Variants in ZNF292 observed in about 807,000 individuals in gnomAD.
ZNF292 encodes zinc finger protein 292.
In ZNF292, 26 loss-of-function variants were observed where a neutral mutation model predicts 217.9. The ratio of observed to expected loss-of-function variants is 0.12; its 90% CI spans 0.09 to 0.17. The LOEUF (loss-of-function observed/expected upper bound fraction) is 0.17. Ranked by LOEUF, ZNF292 falls within the 10% of genes least tolerant of loss-of-function variation. The pLI, the probability that ZNF292 is intolerant of heterozygous loss-of-function variation, is 1.00. For synonymous variants in ZNF292, 1,257 were observed against 1,124.1 expected, an observed-to-expected ratio of 1.12 and a Z score of -2.37; for missense variants, 2,904 against 3,175.2, an observed-to-expected ratio of 0.91 and a Z score of 2.05.
At chr6:87,245,733 C>T (rs1310346269) in intron 7 of ZNF292, 89 bp downstream of exon 7, 1 of 879,986 alleles carries the variant, frequency 1.1e-6, no homozygotes, top group Non-Finnish European at 1.6e-6. Context: ...GCTCCCTTTT[C>T]AGTGATTTTT....
At chr6:87,178,953 G>T (rs536761550) in intron 1 of ZNF292, among the ~76,000 whole-genome samples, 38 of 152,120 alleles carry the variant, frequency 2.5e-4, no homozygotes, top group African/African-American at 8.9e-4. Context: ...GCTAATTAGG[G>T]TTCTTTATTC....
In ZNF292 at chr6:87,259,706, G is replaced by C; in HGVS notation, c.6077G>C (p.Arg2026Thr). Residue 2026 changes from arginine to threonine, a missense_variant, in exon 8 of 8, where the codon AGA becomes ACA. Physicochemically the swap from Arg to Thr is moderately conservative, Grantham distance 71 (BLOSUM62 -1). This residue lies in a region of ZNF292 where 261 missense variants were observed against 272.8 expected (regional missense o/e 0.96). Transcript: ENST00000369577. Reference protein sequence around the residue: ...KKESQPALELRAETQNTHSNV... With the variant: ...KKESQPALELTAETQNTHSNV... ...GAATCTCAGCCTGCTTTAGAATTGA[G>C]AGCAGAGACCCAAAATACCCACAGT... is the stretch of plus-strand genomic sequence containing the variant. 1 of 1,601,394 alleles carries C rather than the reference G, an allele frequency of 6.2e-7. No individual in the cohort carries two copies. Among genetic ancestry groups the C allele is most frequent in the Non-Finnish European group, 8.5e-7 (1 of 1,173,702 alleles).
At chr6:87,254,571 C>T in intron 7 of ZNF292, 79 bp from the exon 8 acceptor site, 1 of 1,368,154 alleles carries the variant, frequency 7.3e-7, no homozygotes, top group Non-Finnish European at 1.0e-6. Flanking sequence ...AAACAAATCT[C>T]AATCTTAACT....
intron 7 of ZNF292, 138 bp downstream of exon 7, chr6:87,245,782 G>A (rs1774546806): frequency 5.2e-6 from 3 of 573,994 alleles, no homozygotes; most frequent in Non-Finnish European, 8.7e-6. Context: ...TTTCTTGTTA[G>A]TCCTTTAAGA....
At chr6:87,160,975 T>A (rs1770732131) in intron 1 of ZNF292, among the ~76,000 whole-genome samples, 1 of 152,186 alleles carries the variant, frequency 6.6e-6, no homozygotes, top group Admixed American at 6.5e-5. Context: ...AGAAGATTTT[T>A]TTTTTTAGTC....
intron 1 of ZNF292, among the ~76,000 whole-genome samples, chr6:87,189,958 C>T (rs982694015): frequency 6.6e-6 from 1 of 152,314 alleles, no homozygotes; most frequent in South Asian, 2.1e-4. Context: ...TTATTTATGT[C>T]AGTATAGACT....
chr6:87,179,996 G>T (rs991588076), intron 1 of ZNF292, among the ~76,000 whole-genome samples: 7 of 152,086 alleles, frequency 4.6e-5, no homozygotes, highest in Non-Finnish European at 8.8e-5. Flanking sequence ...TTCTCTCCCA[G>T]CTCTAAATTA....
Position 87,240,087 on chromosome 6 carries a change from C to T in ZNF292, c.742-3388C>T, listed in dbSNP as rs568362124. Among the ~76,000 whole-genome samples the T allele has an allele frequency of 4.6e-5, 7 of 152,272 alleles. No individual in the cohort carries two copies. In the South Asian group the frequency reaches 8.3e-4, roughly 18 times the overall value. ...ATTGAGCACTGAGTGAACGAGACTC[C>T]ATCTGCAATCCCGGCACCTCGGGAG... On this transcript the variant is annotated intron_variant, in intron 5 of 7. Transcript: ENST00000369577.
intron 1 of ZNF292, among the ~76,000 whole-genome samples, chr6:87,211,026 A>C (rs920325779): frequency 1.1e-4 from 16 of 152,220 alleles, no homozygotes; most frequent in Non-Finnish European, 1.9e-4. Flanking sequence ...GTGCACATCA[A>C]AACATCCATG....
rs1430802347 is a variant in ZNF292, at chr6:87,257,251, G to A, written c.3622G>A (p.Glu1208Lys). ...GTCAACTCCATTGTTGTCCTCAATGGAAAGTGTCATAAATCCAAATATAAC... is the reference window on the plus strand; with the variant it reads ...GTCAACTCCATTGTTGTCCTCAATGAAAAGTGTCATAAATCCAAATATAAC... Reference protein sequence around the residue: ...SVSTPLLSSMESVINPNITSQ... With the variant: ...SVSTPLLSSMKSVINPNITSQ... Residue 1208 changes from glutamate to lysine, a missense_variant, in exon 8 of 8, where the codon GAA becomes AAA. Physicochemically the swap from Glu to Lys is moderately conservative, Grantham distance 56 (BLOSUM62 1). Transcript: ENST00000369577. 5.0e-6 allele frequency: 8 copies of A among 1,613,622 alleles called. No homozygotes were observed. Among genetic ancestry groups the A allele is most frequent in the Non-Finnish European group, 6.8e-6 (8 of 1,179,810 alleles).
chr6:87,224,835 A>G (rs1373344863), intron 4 of ZNF292, among the ~76,000 whole-genome samples: 1 of 152,184 alleles, frequency 6.6e-6, no homozygotes, highest in African/African-American at 2.4e-5. Flanking sequence ...AAACATGTGC[A>G]TGCAGGTTTT....
At chr6:87,192,111 T>C (rs1176144716) in intron 1 of ZNF292, among the ~76,000 whole-genome samples, 1 of 152,216 alleles carries the variant, frequency 6.6e-6, no homozygotes, top group Non-Finnish European at 1.5e-5. Context: ...AAAACATTTA[T>C]AATGTCTTTA....
chr6:87,240,107 C>T (rs1039068961), intron 5 of ZNF292, among the ~76,000 whole-genome samples: 5 of 152,220 alleles, frequency 3.3e-5, no homozygotes, highest in South Asian at 4.1e-4. Flanking sequence ...CCCGGCACCT[C>T]GGGAGGCCAA....
chr6:87,160,714 A>G (rs912742630), intron 1 of ZNF292, among the ~76,000 whole-genome samples: 2 of 151,968 alleles, frequency 1.3e-5, no homozygotes, highest in African/African-American at 2.4e-5. Context: ...TTCTTAGTTC[A>G]TATAAGCAGG....
Position 87,254,724 on chromosome 6 carries a change from T to G in ZNF292, c.1095T>G (p.Thr365=). Reference sequence around the variant, plus strand: ...TTCGCTTGGAGTCTACAGAAAATACTGAAGTGAAAATATCTATTTGCAAGA... The same window carrying G: ...TTCGCTTGGAGTCTACAGAAAATACGGAAGTGAAAATATCTATTTGCAAGA... The part of the protein sequence containing the change: ...KALRLESTEN[T]EVKISICKTI... The change falls in exon 8 of 8, where the codon ACT becomes ACG. Residue 365 remains threonine (T), a synonymous_variant. Coordinates refer to ENST00000369577, the MANE Select transcript of ZNF292 (RefSeq NM_015021.3). The G allele has an allele frequency of 6.2e-7, 1 of 1,613,972 alleles. No homozygotes were observed. The highest frequency in any genetic ancestry group is 8.5e-7 in the Non-Finnish European group (1 of 1,179,846).
chr6:87,185,865 C>T (rs1771631697), intron 1 of ZNF292, among the ~76,000 whole-genome samples: 1 of 152,090 alleles, frequency 6.6e-6, no homozygotes, highest in African/African-American at 2.4e-5. Flanking sequence ...ATGTATAGGA[C>T]AAGATATGGG....
intron 1 of ZNF292, among the ~76,000 whole-genome samples, chr6:87,197,211 G>A (rs1771974251): frequency 6.6e-6 from 1 of 152,160 alleles, no homozygotes; most frequent in African/African-American, 2.4e-5. Context: ...AACCTTTTGG[G>A]AAAGCAATGT....
chr6:87,177,287 A>AC (rs1189159448), intron 1 of ZNF292, among the ~76,000 whole-genome samples: 1 of 150,932 alleles, frequency 6.6e-6, no homozygotes, highest in Non-Finnish European at 1.5e-5. Context: ...AGATCGCACC[A>AC]CTGTACTCCA....
At chr6:87,167,684 C>A (rs1426549426) in intron 1 of ZNF292, among the ~76,000 whole-genome samples, 5 of 152,102 alleles carry the variant, frequency 3.3e-5, no homozygotes, top group Non-Finnish European at 5.9e-5. Context: ...TTAATGACAA[C>A]CTTGCTGTTT....
Sources: allele counts gnomAD v4.1 joint callset (sites outside exome capture counted in the v4.1 genomes callset), GRCh38; gene constraint gnomAD v4.1.1; regional missense constraint gnomAD v4.1.1; transcripts MANE v1.5; gene names NCBI Gene and HGNC (gene_info 2026-07-23, HGNC 2026-07-21).